The following MAP3K9 variants were observed in gnomAD, a reference collection of about 807,000 sequenced individuals.
The protein encoded by MAP3K9 is mixed lineage kinase 1 (tyr and ser/thr specificity).
MAP3K9 carries 46 observed loss-of-function variants against 95.8 expected under a neutral mutation model. The observed-to-expected ratio is 0.48, with a 90% CI of 0.38 to 0.61. The LOEUF is 0.61. MAP3K9 is among the 20% of genes least tolerant of loss of function. The pLI is 0.00. For synonymous variants in MAP3K9, 533 were observed against 593.8 expected, an observed-to-expected ratio of 0.90 and a Z score of 1.49; for missense variants, 1,296 against 1,474.3, an observed-to-expected ratio of 0.88 and a Z score of 1.98.
intron 2 of MAP3K9, among the ~76,000 whole-genome samples, chr14:70,768,226 G>A (rs1263401652): frequency 6.6e-6 from 1 of 151,860 alleles, no homozygotes; most frequent in Non-Finnish European, 1.5e-5. Flanking sequence ...TGATTATTAT[G>A]CATCATATGC....
chr14:70,809,205 C>T lies in MAP3K9; in HGVS notation c.-34G>A. ...CGATCCATAGGGTGCGGGGCCGCCGCCGCCCGCAGGAGCCGCCGCCGCCTA... is the reference window on the plus strand; with the variant it reads ...CGATCCATAGGGTGCGGGGCCGCCGTCGCCCGCAGGAGCCGCCGCCGCCTA... On this transcript the variant is annotated 5_prime_UTR_variant, in exon 1 of 12. Transcript: ENST00000554752. The T allele has an allele frequency of 7.8e-7, 1 of 1,286,022 alleles. No homozygotes were observed. The highest frequency in any genetic ancestry group is 9.8e-7 in the Non-Finnish European group (1 of 1,022,552). The allele number at this position is 1,286,022 out of a possible 1,614,324, so 79.7% of individuals were successfully genotyped here. A position where few individuals can be genotyped will look rare whatever the true frequency, so the allele number is the denominator to read the frequency against.
At chr14:70,750,519 C>G (rs1566740848) in intron 3 of MAP3K9, among the ~76,000 whole-genome samples, 2 of 152,128 alleles carry the variant, frequency 1.3e-5, no homozygotes, top group African/African-American at 2.4e-5. Context: ...GAGTTTCGCT[C>G]GGTTGCTCAG....
chr14:70,730,061 T>G lies in MAP3K9; in HGVS notation c.*319A>C. 3.3e-6 allele frequency: 1 copy of G among 301,662 alleles called. No homozygotes were observed. The highest frequency in any genetic ancestry group is 6.2e-6 in the Non-Finnish European group (1 of 160,056). 18.7% of individuals were successfully genotyped at this position (301,662 alleles called of 1,614,324 possible). On this transcript the variant is annotated 3_prime_UTR_variant, in exon 12 of 12. Transcript: ENST00000554752. ...CTGAGGAGAGGGAGCAGCAGACAGA[T>G]TTGGCTGAGTGACTCTGCAGGGTCA...
intron 2 of MAP3K9, among the ~76,000 whole-genome samples, chr14:70,795,710 T>C (rs574360136): frequency 6.6e-6 from 1 of 152,338 alleles, no homozygotes; most frequent in Admixed American, 6.5e-5. Flanking sequence ...TCCAAAGCTT[T>C]TTCATATTAC....
At chr14:70,761,745 T>C (rs34817530) in intron 2 of MAP3K9, among the ~76,000 whole-genome samples, 8,974 of 152,298 alleles carry the variant, frequency 0.059, 345 homozygotes, top group Middle Eastern at 0.12. Context: ...TTATTTTTTG[T>C]AGACCTTTTT....
intron 2 of MAP3K9, among the ~76,000 whole-genome samples, chr14:70,780,272 G>A (rs2054656825): frequency 6.6e-6 from 1 of 152,176 alleles, no homozygotes; most frequent in African/African-American, 2.4e-5. Context: ...TTGTTGGGCT[G>A]GAGGATAGAA....
In MAP3K9 at chr14:70,808,760, C is replaced by A. The variant is rs774497183; in HGVS notation, c.406+6G>T. On this transcript the variant is annotated splice_donor_region_variant and intron_variant, in intron 1 of 11. Transcript: ENST00000554752. Reference sequence around the variant, plus strand: ...CCCTCCCCGCCCGGCCCCGCCTTCGCCTTACACTGAATGGGCGGGTAGCAA... The same window carrying A: ...CCCTCCCCGCCCGGCCCCGCCTTCGACTTACACTGAATGGGCGGGTAGCAA... The A allele has an allele frequency of 1.3e-6, 2 of 1,534,762 alleles. No homozygotes were observed. The highest frequency in any genetic ancestry group is 1.2e-5 in the South Asian group (1 of 81,212).
chr14:70,736,058 G>A, intron 8 of MAP3K9, 29 bp from the exon 9 acceptor site: 1 of 1,439,236 alleles, frequency 6.9e-7, no homozygotes, highest in Non-Finnish European at 9.8e-7. Context: ...ATCAGTAGCA[G>A]GCAATGGAGG....
chr14:70,734,909 C>A (rs892483685), intron 9 of MAP3K9, among the ~76,000 whole-genome samples: 3 of 152,278 alleles, frequency 2.0e-5, no homozygotes, highest in Admixed American at 2.0e-4. Flanking sequence ...CGAAGCCAGG[C>A]AAGCACCGGG....
At chr14:70,734,622 C>A in intron 9 of MAP3K9, 124 bp from the exon 10 acceptor site, 1 of 643,154 alleles carries the variant, frequency 1.6e-6, no homozygotes, top group Non-Finnish European at 2.8e-6. Flanking sequence ...CCTTGGAGTA[C>A]ATACAGGCAA....
chr14:70,748,913 C>T lies in MAP3K9; in HGVS notation c.1242G>A (p.Met414Ile), dbSNP rs1480665308. Residue 414 changes from methionine (M) to isoleucine (I), a missense_variant, in exon 5 of 12, where the codon ATG becomes ATA. Transcript: ENST00000554752. ...GCAGGCAGTGGAAGGAGTCCTTGGGCATTTCAAAGAAACCAGACTCCTCTA... is the reference window on the plus strand; with the variant it reads ...GCAGGCAGTGGAAGGAGTCCTTGGGTATTTCAAAGAAACCAGACTCCTCTA... ...TTIEESGFFEMPKDSFHCLQD... is the reference protein window; with the variant it reads ...TTIEESGFFEIPKDSFHCLQD... The T allele has an allele frequency of 1.9e-6, 3 of 1,613,988 alleles. No homozygotes were observed. The highest frequency in any genetic ancestry group is 2.5e-6 in the Non-Finnish European group (3 of 1,180,032).
intron 2 of MAP3K9, among the ~76,000 whole-genome samples, chr14:70,778,768 A>G (rs2054634458): frequency 6.6e-6 from 1 of 152,220 alleles, no homozygotes. Context: ...CTTACAGATG[A>G]AGAAGCTGTG....
intron 2 of MAP3K9, among the ~76,000 whole-genome samples, chr14:70,772,593 G>A (rs1226465668): frequency 1.3e-5 from 2 of 151,998 alleles, no homozygotes; most frequent in African/African-American, 4.8e-5. Context: ...CCTGTTCCAG[G>A]GCTGGCCATA....
At chr14:70,750,158 G>T in intron 3 of MAP3K9, 77 bp from the exon 4 acceptor site, 1 of 1,274,526 alleles carries the variant, frequency 7.8e-7, no homozygotes, top group Non-Finnish European at 1.1e-6. Context: ...AGTCTTTTCT[G>T]AGCATCCCAC....
At chr14:70,764,295 G>A (rs1196327174) in intron 2 of MAP3K9, among the ~76,000 whole-genome samples, 3 of 151,484 alleles carry the variant, frequency 2.0e-5, no homozygotes, top group African/African-American at 2.4e-5. Context: ...ACAGCTCCAG[G>A]TGTGTTTTGC....
chr14:70,805,481 T>C (rs1320983407), intron 1 of MAP3K9, among the ~76,000 whole-genome samples: 2 of 152,256 alleles, frequency 1.3e-5, no homozygotes, highest in Non-Finnish European at 2.9e-5. Context: ...GGGTTATTTA[T>C]ACTTGTCATC....
chr14:70,786,290 C>A (rs550049902), intron 2 of MAP3K9, among the ~76,000 whole-genome samples: 1 of 152,144 alleles, frequency 6.6e-6, no homozygotes, highest in Non-Finnish European at 1.5e-5. Context: ...AACTCTCTAT[C>A]ACACAACTGT....
chr14:70,761,251 C>G, intron 2 of MAP3K9, 69 bp from the exon 3 acceptor site: 1 of 1,335,334 alleles, frequency 7.5e-7, no homozygotes. Flanking sequence ...CAGAACAGAA[C>G]TCTTCTGCCA....
At position 70,749,079 on chromosome 14, in the gene MAP3K9, G is replaced by A. The variant is rs572493882; in HGVS notation, c.1151-75C>T. The A allele has an allele frequency of 1.5e-5, 21 of 1,386,570 alleles. No homozygotes were observed. The African/African-American group carries it at 3.1e-4, about 20-fold the overall frequency. The allele number at this position is 1,386,570 out of a possible 1,614,324, so 85.9% of individuals were successfully genotyped here. ...CATGTAAGACTTAGGCTATTACATG[G>A]CCTCACTTCCCAGAAAACTACCTCT... On this transcript the variant is annotated intron_variant, in intron 4 of 11. Transcript: ENST00000554752.
Sources: gnomAD v4.1 joint callset for allele counts (sites outside exome capture counted in the v4.1 genomes callset) on GRCh38, gnomAD v4.1.1 for gene constraint, MANE v1.5 for transcripts, NCBI Gene and HGNC (gene_info 2026-07-23, HGNC 2026-07-21) for gene names.